GRM3: variants seen among roughly 807,000 people sequenced by gnomAD.
The protein encoded by GRM3 is glutamate metabotropic receptor 3.
In GRM3, 26 loss-of-function variants were observed where a neutral mutation model predicts 70.5. That is an observed-to-expected ratio of 0.37 (90% CI 0.27 to 0.51). GRM3 has a LOEUF of 0.51. Among genes scored for constraint, GRM3 ranks in the 20% least tolerant of loss-of-function variants. The probability of loss-of-function intolerance (pLI) is 0.93; values close to 1 mark genes in which losing one functional copy is unlikely to be tolerated. For synonymous variants in GRM3, 443 were observed against 434.9 expected (o/e 1.02, Z -0.23); for missense variants, 859 against 1,123.8 (o/e 0.76, Z 3.37).
intron 4 of GRM3, among the ~76,000 whole-genome samples, chr7:86,843,499 TC>T (rs1345857942): frequency 6.6e-6 from 1 of 152,192 alleles, no homozygotes; most frequent in African/African-American, 2.4e-5. Flanking sequence ...ATCCGAGTCA[TC>T]TCCTGCTGTA....
At chr7:86,840,694 G>C (rs1181589201) in intron 4 of GRM3, among the ~76,000 whole-genome samples, 1 of 152,054 alleles carries the variant, frequency 6.6e-6, no homozygotes, top group Non-Finnish European at 1.5e-5. Flanking sequence ...CAATGAGTGA[G>C]TATAAGAATG....
chr7:86,831,793 TA>T (rs35888996), intron 3 of GRM3, among the ~76,000 whole-genome samples: 17,594 of 113,806 alleles, frequency 0.15, 1,325 homozygotes, highest in African/African-American at 0.26. Context: ...ATAGCACCGT[TA>T]AAAAAAAAAA....
chr7:86,725,594 A>C (rs1795573836), intron 1 of GRM3, among the ~76,000 whole-genome samples: 1 of 152,202 alleles, frequency 6.6e-6, no homozygotes, highest in African/African-American at 2.4e-5. Flanking sequence ...ACAGCAGCAA[A>C]GTCTCATTGT....
chr7:86,670,996 T>A (rs1794157062), intron 1 of GRM3, among the ~76,000 whole-genome samples: 2 of 152,222 alleles, frequency 1.3e-5, no homozygotes, highest in African/African-American at 4.8e-5. Flanking sequence ...CAAATGTAGC[T>A]TTCATGAAAT....
At chr7:86,750,679 T>C (rs1734792094) in intron 1 of GRM3, among the ~76,000 whole-genome samples, 1 of 150,814 alleles carries the variant, frequency 6.6e-6, no homozygotes, top group Admixed American at 6.6e-5. Flanking sequence ...ATATCTTAAA[T>C]AGACTAAAGT....
intron 1 of GRM3, among the ~76,000 whole-genome samples, chr7:86,732,364 G>A (rs1795753599): frequency 2.0e-5 from 3 of 152,228 alleles, no homozygotes; most frequent in South Asian, 4.1e-4. Flanking sequence ...TCCAAGGTAG[G>A]GCAGAGGAAA....
intron 1 of GRM3, among the ~76,000 whole-genome samples, chr7:86,711,934 C>T (rs1795209067): frequency 6.6e-6 from 1 of 152,020 alleles, no homozygotes. Flanking sequence ...AATTCCAAAC[C>T]TCTGGACATT....
At chr7:86,770,246 T>C (rs190541476) in intron 2 of GRM3, among the ~76,000 whole-genome samples, 7 of 152,124 alleles carry the variant, frequency 4.6e-5, no homozygotes, top group Non-Finnish European at 5.9e-5. Flanking sequence ...TCCCTGAGTG[T>C]TAAAGCGACT....
At chr7:86,762,129 A>G (rs1253301647) in intron 1 of GRM3, among the ~76,000 whole-genome samples, 1 of 152,154 alleles carries the variant, frequency 6.6e-6, no homozygotes, top group East Asian at 1.9e-4. Flanking sequence ...TTTGCCTTCC[A>G]TGGCAGTTTT....
At chr7:86,813,247 T>G (rs867761713) in intron 3 of GRM3, among the ~76,000 whole-genome samples, 19 of 151,906 alleles carry the variant, frequency 1.3e-4, no homozygotes, top group African/African-American at 3.9e-4. Context: ...AGTTCCTGTC[T>G]CTAAGGGCCT....
At chr7:86,747,229 A>G (rs558481906) in intron 1 of GRM3, among the ~76,000 whole-genome samples, 33 of 152,220 alleles carry the variant, frequency 2.2e-4, no homozygotes, top group African/African-American at 7.7e-4. Context: ...TACTCAACAA[A>G]GCATGTTTTA....
chr7:86,811,582 C>A (rs774225119), intron 3 of GRM3, among the ~76,000 whole-genome samples: 1 of 151,778 alleles, frequency 6.6e-6, no homozygotes, highest in Non-Finnish European at 1.5e-5. Flanking sequence ...CTTGTTGTAA[C>A]CTCACATCCA....
chr7:86,797,214 C>G (rs940243641), intron 3 of GRM3, among the ~76,000 whole-genome samples: 1 of 152,120 alleles, frequency 6.6e-6, no homozygotes, highest in Non-Finnish European at 1.5e-5. Context: ...GAGGTTGGAA[C>G]AGTTTGGAGG....
intron 3 of GRM3, among the ~76,000 whole-genome samples, chr7:86,803,463 T>C (rs1050185673): frequency 1.3e-5 from 2 of 152,222 alleles, no homozygotes; most frequent in African/African-American, 4.8e-5. Flanking sequence ...AAAAGGAAAG[T>C]ATACTTTGTT....
chr7:86,808,794 A>T (rs891710968), intron 3 of GRM3, among the ~76,000 whole-genome samples: 1 of 152,108 alleles, frequency 6.6e-6, no homozygotes, highest in Non-Finnish European at 1.5e-5. Context: ...AAGGAATAAC[A>T]AGGCATAAGG....
At chr7:86,676,840 A>G (rs1031071222) in intron 1 of GRM3, among the ~76,000 whole-genome samples, 1 of 152,014 alleles carries the variant, frequency 6.6e-6, no homozygotes, top group African/African-American at 2.4e-5. Flanking sequence ...GGGTAAAGTA[A>G]TGGTATTTAA....
At chr7:86,711,084 C>T (rs1393397813) in intron 1 of GRM3, among the ~76,000 whole-genome samples, 1 of 152,030 alleles carries the variant, frequency 6.6e-6, no homozygotes, top group Non-Finnish European at 1.5e-5. Flanking sequence ...CTGAGCCCCA[C>T]TTTCCTCATC....
chr7:86,658,716 C>A (rs1257206851), intron 1 of GRM3, among the ~76,000 whole-genome samples: 2 of 152,090 alleles, frequency 1.3e-5, no homozygotes, highest in East Asian at 3.9e-4. Flanking sequence ...GGTTAATTAA[C>A]TCACTCTGGA....
chr7:86,805,737 G>A (rs979889771), intron 3 of GRM3, among the ~76,000 whole-genome samples: 2 of 151,948 alleles, frequency 1.3e-5, no homozygotes, highest in Admixed American at 6.6e-5. Context: ...ATTTAAGATT[G>A]CATCATATCT....
Sources: allele counts gnomAD v4.1 joint callset (sites outside exome capture counted in the v4.1 genomes callset), GRCh38; gene constraint gnomAD v4.1.1; transcripts MANE v1.5; gene names NCBI Gene and HGNC (gene_info 2026-07-23, HGNC 2026-07-21).